The following CACNA1B variants were observed in gnomAD, a reference collection of about 807,000 sequenced individuals.
The protein encoded by CACNA1B is voltage-dependent N-type calcium channel subunit alpha-1B.
In CACNA1B, 70 loss-of-function variants were observed where a neutral mutation model predicts 247.2. The ratio of observed to expected loss-of-function variants is 0.28; its 90% CI spans 0.23 to 0.35. The LOEUF (loss-of-function observed/expected upper bound fraction) is 0.35, where lower values mean the gene tolerates loss of function less well. Among genes scored for constraint, CACNA1B ranks in the 10% least tolerant of loss-of-function variants. The pLI is 1.00. For missense variants in CACNA1B, 2,367 were observed against 3,197.4 expected, an observed-to-expected ratio of 0.74 and a Z score of 6.26; for synonymous variants, 1,231 against 1,294.4, an observed-to-expected ratio of 0.95 and a Z score of 1.05.
intron 6 of CACNA1B, among the ~76,000 whole-genome samples, chr9:137,934,764 A>G (rs1279680636): frequency 6.6e-6 from 1 of 152,208 alleles, no homozygotes; most frequent in Non-Finnish European, 1.5e-5. Flanking sequence ...CCACAGCTCT[A>G]GGAAAATGGG....
intron 35 of CACNA1B, among the ~76,000 whole-genome samples, chr9:138,077,840 GCCTGTGGTGTCCACAAAGAAGTGCTCGC>G (rs1328330877): frequency 6.6e-6 from 1 of 152,248 alleles, no homozygotes; most frequent in Non-Finnish European, 1.5e-5. Context: ...TACAACTGGG[GCCTGTGGTGTCCACAAAGAAGTGCTCGC>G]CCTGGCGCTG....
intron 6 of CACNA1B, among the ~76,000 whole-genome samples, chr9:137,942,343 C>T (rs1254954658): frequency 6.6e-6 from 1 of 152,102 alleles, no homozygotes; most frequent in Non-Finnish European, 1.5e-5. Context: ...GGCATGGATG[C>T]GGTGAACAGG....
intron 10 of CACNA1B, among the ~76,000 whole-genome samples, chr9:137,967,063 ATTCTT>A (rs1405812390): frequency 6.6e-6 from 1 of 150,888 alleles, no homozygotes; most frequent in East Asian, 1.9e-4. Context: ...GTTTGACTCT[ATTCTT>A]CATCCCAAGT....
intron 34 of CACNA1B, among the ~76,000 whole-genome samples, chr9:138,074,650 C>T (rs1322717498): frequency 1.3e-5 from 2 of 152,258 alleles, no homozygotes; most frequent in Admixed American, 1.3e-4. Flanking sequence ...CTCTGGCCCT[C>T]GGCCCATTGC....
chr9:138,114,232 C>T lies in CACNA1B; in HGVS notation c.5537-146C>T. 3 of 601,924 alleles carry T rather than the reference C, an allele frequency of 5.0e-6. No individual in the cohort carries two copies. The South Asian group carries it at 5.9e-5, about 12-fold the overall frequency. 37.3% of individuals were successfully genotyped at this position (601,924 alleles called of 1,614,324 possible). On this transcript the variant is annotated intron_variant, in intron 40 of 46. Coordinates refer to ENST00000371372, the MANE Select transcript of CACNA1B (RefSeq NM_000718.4). ...CTGGTGGCCGAGCCCCATGTTCTGC[C>T]TGAGAGCCCTCTGTCCCAGTGCATT...
rs1959585841 is a variant in CACNA1B, at chr9:138,058,262, C to T, written c.4308+12C>T. 1.9e-6 allele frequency: 3 copies of T among 1,603,870 alleles called. No homozygotes were observed. Among genetic ancestry groups the T allele is most frequent in the Non-Finnish European group, 2.6e-6 (3 of 1,171,112 alleles). ...TGGAGAAGAACGAGGTAGGTGGACG[C>T]TCTGTGGAGTCTTGCAGTGGACAGC... On this transcript the variant is annotated intron_variant, in intron 28 of 46. Transcript: ENST00000371372. This position sits in a 1 kb window ranked among gnomAD's most constrained non-coding sequence, Gnocchi z 4.7.
chr9:137,879,527 G>A (rs1178074116), intron 2 of CACNA1B, among the ~76,000 whole-genome samples: 1 of 152,264 alleles, frequency 6.6e-6, no homozygotes, highest in African/African-American at 2.4e-5. Flanking sequence ...TGAATGCCAT[G>A]TGTGCCCTGC....
At position 138,012,453 on chromosome 9, in the gene CACNA1B, C is replaced by A. The variant is rs902980065; in HGVS notation, c.2161-676C>A. Among the ~76,000 whole-genome samples, 2 of 152,072 alleles carry A rather than the reference C, an allele frequency of 1.3e-5. No individual in the cohort carries two copies. Among genetic ancestry groups the A allele is most frequent in the African/African-American group, 4.8e-5 (2 of 41,398 alleles). The stretch of plus-strand genomic sequence containing the variant: ...CAAGTTTGAGGTGCCATGGTACAGA[C>A]AAGCTGAAGGCCAGGCATGGTAGCT... On this transcript the variant is annotated intron_variant, in intron 17 of 46. Coordinates refer to ENST00000371372, the MANE Select transcript of CACNA1B (RefSeq NM_000718.4). The surrounding 1 kb of genome is among the most constrained non-coding windows in gnomAD (Gnocchi z 4.2).
intron 10 of CACNA1B, among the ~76,000 whole-genome samples, chr9:137,963,249 C>G (rs910366405): frequency 6.6e-6 from 1 of 152,150 alleles, no homozygotes; most frequent in African/African-American, 2.4e-5. Flanking sequence ...TTTCCTCCAT[C>G]CCTTTATTTT....
chr9:138,119,529 C>T (rs767439708), intron 44 of CACNA1B, among the ~76,000 whole-genome samples: 8 of 152,304 alleles, frequency 5.3e-5, no homozygotes, highest in African/African-American at 1.7e-4. Context: ...GAACCTCGTC[C>T]GTGGCTCGTC....
chr9:138,044,768 CCTT>C (rs1458335367), intron 21 of CACNA1B, among the ~76,000 whole-genome samples: 4 of 152,228 alleles, frequency 2.6e-5, no homozygotes, highest in Admixed American at 6.5e-5. Flanking sequence ...CTGCCCATCC[CCTT>C]CTTCTTTCAC....
At chr9:137,883,223 G>A (rs1956953980) in intron 3 of CACNA1B, among the ~76,000 whole-genome samples, 1 of 151,482 alleles carries the variant, frequency 6.6e-6, no homozygotes, top group African/African-American at 2.4e-5. Flanking sequence ...CTGCCCAGGT[G>A]AGGGGCTTCC....
chr9:137,923,477 G>GTGGTGCCAGGTGGTATTCCC (rs1392544538), intron 6 of CACNA1B, among the ~76,000 whole-genome samples: 7 of 149,786 alleles, frequency 4.7e-5, no homozygotes, highest in Admixed American at 3.3e-4. Flanking sequence ...GTAGTATTCC[G>GTGGTGCCAGGTGGTATTCCC]TGGTGCCAGG....
rs1469706794 is a variant in CACNA1B at position 137,973,236 on chromosome 9, G to A, written c.1543+1644G>A. ...TGTGTCTTCTCTGTGGTTTCCTGGA[G>A]TTCCTGGCTTCATTGTGTCACTGAG... On this transcript the variant is annotated intron_variant, in intron 11 of 46. Transcript: ENST00000371372. This position sits in a 1 kb window ranked among gnomAD's most constrained non-coding sequence, Gnocchi z 4.1. Among the ~76,000 whole-genome samples, 2 of 152,222 alleles carry A rather than the reference G, an allele frequency of 1.3e-5. No homozygotes were observed. Among genetic ancestry groups the A allele is most frequent in the Admixed American group, 6.5e-5 (1 of 15,288 alleles).
chr9:137,970,249 C>T (rs772074512), intron 10 of CACNA1B, among the ~76,000 whole-genome samples: 5 of 152,178 alleles, frequency 3.3e-5, no homozygotes, highest in Admixed American at 6.5e-5. Flanking sequence ...ACTGAGAGAC[C>T]CATGGCTGGG....
intron 21 of CACNA1B, among the ~76,000 whole-genome samples, chr9:138,045,317 C>G (rs951463983): frequency 6.6e-6 from 1 of 152,070 alleles, no homozygotes; most frequent in Non-Finnish European, 1.5e-5. Context: ...GGATTGCAGC[C>G]CAGCAGGGCC....
chr9:138,093,890 T>C (rs76903998), intron 36 of CACNA1B, among the ~76,000 whole-genome samples: 1 of 152,092 alleles, frequency 6.6e-6, no homozygotes, highest in Admixed American at 6.5e-5. Context: ...TAAAAGTGAA[T>C]TACAGAATGA....
intron 12 of CACNA1B, among the ~76,000 whole-genome samples, chr9:137,976,792 C>G (rs2133372062): frequency 8.2e-6 from 1 of 121,298 alleles, no homozygotes; most frequent in East Asian, 2.7e-4. Context: ...CTGAGAATTA[C>G]CAACTTATGT....
intron 20 of CACNA1B, among the ~76,000 whole-genome samples, chr9:138,039,826 A>G (rs1423642838): frequency 6.6e-6 from 1 of 151,916 alleles, no homozygotes; most frequent in Non-Finnish European, 1.5e-5. Context: ...TAATTTTGTG[A>G]GCTCTGAGTT....
Sources: allele counts gnomAD v4.1 joint callset (sites outside exome capture counted in the v4.1 genomes callset), GRCh38; gene constraint gnomAD v4.1.1; non-coding constraint Gnocchi (gnomAD v3.1); transcripts MANE v1.5; gene names NCBI Gene and HGNC (gene_info 2026-07-23, HGNC 2026-07-21).